Variants in ATXN1 observed in about 807,000 individuals in gnomAD.
ATXN1 encodes ataxin 1.
ATXN1 carries 8 observed loss-of-function variants against 56.4 expected under a neutral mutation model. That is an observed-to-expected ratio of 0.14 (90% CI 0.08 to 0.26). ATXN1 has a LOEUF of 0.26. Ranked by LOEUF, ATXN1 falls within the 10% of genes least tolerant of loss-of-function variation. The pLI, the probability that ATXN1 is intolerant of heterozygous loss-of-function variation, is 1.00. For missense variants in ATXN1, 987 were observed against 1,106.5 expected, an observed-to-expected ratio of 0.89 and a Z score of 1.53; for synonymous variants, 514 against 494.6, an observed-to-expected ratio of 1.04 and a Z score of -0.52.
intron 5 of ATXN1, among the ~76,000 whole-genome samples, chr6:16,491,283 T>TA (rs57752763): frequency 0.23 from 26,142 of 114,506 alleles, 3,094 homozygotes; most frequent in South Asian, 0.27. Flanking sequence ...TATTATTTTT[T>TA]TTTTTTTTTT....
At chr6:16,693,540 G>T (rs1302370154) in intron 2 of ATXN1, among the ~76,000 whole-genome samples, 1 of 152,062 alleles carries the variant, frequency 6.6e-6, no homozygotes, top group East Asian at 1.9e-4. Flanking sequence ...TTAATACTAA[G>T]CATCAGTTCC....
At chr6:16,696,530 A>G (rs1286788521) in intron 2 of ATXN1, among the ~76,000 whole-genome samples, 1 of 152,224 alleles carries the variant, frequency 6.6e-6, no homozygotes, top group Non-Finnish European at 1.5e-5. Flanking sequence ...TAACAATGTC[A>G]GCATTAATGC....
chr6:16,697,541 T>C (rs1759189189), intron 2 of ATXN1, among the ~76,000 whole-genome samples: 1 of 152,190 alleles, frequency 6.6e-6, no homozygotes, highest in Admixed American at 6.5e-5. Flanking sequence ...GGCTAACTTT[T>C]TCCTTTTCTA....
chr6:16,484,812 T>C (rs959225517), intron 6 of ATXN1, among the ~76,000 whole-genome samples: 24 of 152,200 alleles, frequency 1.6e-4, no homozygotes. Context: ...TTTTTTTTCC[T>C]TGTCAATACT....
intron 6 of ATXN1, among the ~76,000 whole-genome samples, chr6:16,367,027 G>T (rs1175536409): frequency 2.6e-5 from 4 of 152,188 alleles, no homozygotes; most frequent in African/African-American, 9.7e-5. Context: ...TAGTGACTTT[G>T]TCTCTCAATT....
chr6:16,450,364 T>C (rs1003155562), intron 6 of ATXN1, among the ~76,000 whole-genome samples: 4 of 152,238 alleles, frequency 2.6e-5, no homozygotes, highest in Non-Finnish European at 5.9e-5. Flanking sequence ...TGATGCAACA[T>C]GTGTTTACAC....
chr6:16,563,515 G>A (rs894529058), intron 4 of ATXN1, among the ~76,000 whole-genome samples: 2 of 152,168 alleles, frequency 1.3e-5, no homozygotes, highest in Non-Finnish European at 2.9e-5. Flanking sequence ...AAGAGTGGGG[G>A]ATGAGTCAGG....
chr6:16,755,714 AGT>A lies in ATXN1; in HGVS notation c.-729-2369_-729-2368del, dbSNP rs374966863. Among the ~76,000 whole-genome samples the A allele has an allele frequency of 1.0e-3, 155 of 151,362 alleles. 2 individuals are homozygous for A. Among genetic ancestry groups the A allele is most frequent in the African/African-American group, 3.4e-3 (142 of 41,438 alleles). Reference sequence around the variant, plus strand: ...AACTTGTCATGTTAAAGGGCACCTAAGTGTAAAAAAAAAAAAAAAGAGTTCCT... The same window carrying A: ...AACTTGTCATGTTAAAGGGCACCTAAGTAAAAAAAAAAAAAAAGAGTTCCT... On this transcript the variant is annotated intron_variant, in intron 1 of 7. Coordinates refer to ENST00000436367, the MANE Select transcript of ATXN1 (RefSeq NM_001128164.2).
intron 6 of ATXN1, among the ~76,000 whole-genome samples, chr6:16,456,354 G>A (rs1759872981): frequency 6.6e-6 from 1 of 152,162 alleles, no homozygotes; most frequent in Non-Finnish European, 1.5e-5. Context: ...GCTAAAACTA[G>A]GCACCTGTCA....
At chr6:16,707,038 G>A (rs1759424406) in intron 2 of ATXN1, among the ~76,000 whole-genome samples, 1 of 152,014 alleles carries the variant, frequency 6.6e-6, no homozygotes, top group African/African-American at 2.4e-5. Flanking sequence ...AAAAGATGAA[G>A]AAATGAAATA....
intron 6 of ATXN1, among the ~76,000 whole-genome samples, chr6:16,413,298 G>A (rs1464692228): frequency 1.3e-5 from 2 of 151,166 alleles, no homozygotes; most frequent in African/African-American, 4.9e-5. Context: ...TTAAATCCGT[G>A]TTCTTCCCAT....
rs73728021 is a variant in ATXN1 at position 16,595,690 on chromosome 6, G to C, written c.-488-9783C>G. 4.7e-3 allele frequency among the ~76,000 whole-genome samples: 723 copies of C among 152,318 alleles called. 5 individuals carry two copies. The highest frequency in any genetic ancestry group is 0.016 in the African/African-American group (682 of 41,568). Reference sequence around the variant, plus strand: ...TGAAAGGCAGGCAGTGAGGGGAGAGGGAGGAATGAGAGACTTTCACCTGTA... The same window carrying C: ...TGAAAGGCAGGCAGTGAGGGGAGAGCGAGGAATGAGAGACTTTCACCTGTA... On this transcript the variant is annotated intron_variant, in intron 3 of 7. Transcript: ENST00000436367.
In ATXN1 at chr6:16,654,475, C is replaced by T. The variant is rs1427269853; in HGVS notation, c.-489+3301G>A. On this transcript the variant is annotated intron_variant, in intron 3 of 7. Transcript: ENST00000436367. ...AAGAGAATTGCTTGAACCTGGGAGG[C>T]GAAGGTTGCAGTGAGCCAAGATTGC... Among the ~76,000 whole-genome samples the T allele has an allele frequency of 2.1e-5, 3 of 145,678 alleles. 1 individual carries two copies. The East Asian group carries it at 6.1e-4, about 30-fold the overall frequency.
At chr6:16,367,377 C>G (rs1285116134) in intron 6 of ATXN1, among the ~76,000 whole-genome samples, 1 of 151,986 alleles carries the variant, frequency 6.6e-6, no homozygotes, top group African/African-American at 2.4e-5. Flanking sequence ...CACACACACA[C>G]ACACACACAT....
At chr6:16,678,674 A>G (rs928550122) in intron 2 of ATXN1, among the ~76,000 whole-genome samples, 3 of 152,230 alleles carry the variant, frequency 2.0e-5, no homozygotes, top group Non-Finnish European at 4.4e-5. Flanking sequence ...AGACATCACC[A>G]TATTAATTTC....
intron 2 of ATXN1, among the ~76,000 whole-genome samples, chr6:16,668,524 C>T (rs1367706701): frequency 2.0e-5 from 3 of 152,032 alleles, no homozygotes; most frequent in Non-Finnish European, 4.4e-5. Context: ...GAACAGGAGT[C>T]TATAGAGTTC....
chr6:16,642,862 T>C (rs1181585630), intron 3 of ATXN1, among the ~76,000 whole-genome samples: 1 of 152,262 alleles, frequency 6.6e-6, no homozygotes, highest in Admixed American at 6.5e-5. Context: ...GGATAATTAA[T>C]AGACTATAGT....
At chr6:16,641,521 A>T (rs1171920658) in intron 3 of ATXN1, among the ~76,000 whole-genome samples, 1 of 152,260 alleles carries the variant, frequency 6.6e-6, no homozygotes, top group Non-Finnish European at 1.5e-5. Flanking sequence ...TTGGGTTACT[A>T]AATACTTTAA....
At chr6:16,592,828 G>A (rs1349164601) in intron 3 of ATXN1, among the ~76,000 whole-genome samples, 1 of 133,122 alleles carries the variant, frequency 7.5e-6, no homozygotes, top group African/African-American at 2.7e-5. Flanking sequence ...TTCCACAGCT[G>A]GAAAAGAATC....
Sources: gnomAD v4.1 joint callset for allele counts (sites outside exome capture counted in the v4.1 genomes callset) on GRCh38, gnomAD v4.1.1 for gene constraint, MANE v1.5 for transcripts, NCBI Gene and HGNC (gene_info 2026-07-23, HGNC 2026-07-21) for gene names.